Variants in CLIP1 observed in about 807,000 individuals in gnomAD.
The protein encoded by CLIP1 is CAP-Gly domain containing linker protein 1, also known as CAP-Gly domain-containing linker protein 1.
In CLIP1, 66 loss-of-function variants were observed where a neutral mutation model predicts 161.6. The observed-to-expected ratio is 0.41, with a 90% confidence interval of 0.33 to 0.50. CLIP1 has a LOEUF of 0.50. CLIP1 is among the 20% of genes least tolerant of loss of function. The pLI, the probability that CLIP1 is intolerant of heterozygous loss-of-function variation, is 0.27. For synonymous variants in CLIP1, 598 were observed against 626.2 expected (o/e 0.96, Z 0.67); for missense variants, 1,376 against 1,702.0 (o/e 0.81, Z 3.37).
intron 5 of CLIP1, among the ~76,000 whole-genome samples, chr12:122,358,918 G>A (rs966529000): frequency 1.3e-5 from 2 of 152,008 alleles, no homozygotes; most frequent in Non-Finnish European, 2.9e-5. Flanking sequence ...AAAATTAGCC[G>A]GGCATGGTGG....
chr12:122,349,405 A>T (rs1292282582), intron 9 of CLIP1, among the ~76,000 whole-genome samples: 1 of 152,208 alleles, frequency 6.6e-6, no homozygotes, highest in Non-Finnish European at 1.5e-5. Context: ...GGGACTCTAC[A>T]GTGCCTCAGC....
In CLIP1 at chr12:122,311,978, A is replaced by T. The variant is rs1051974018; in HGVS notation, c.3474-2096T>A. 6.6e-6 allele frequency among the ~76,000 whole-genome samples: 1 copy of T among 152,202 alleles called. No individual in the cohort carries two copies. The highest frequency in any genetic ancestry group is 1.5e-5 in the Non-Finnish European group (1 of 68,038). ...TCTTTAGTGGGTAGTGGGTGAATCC[A>T]TTTCATAGAGGAAAGAGGCTCCAAT... On this transcript the variant is annotated intron_variant, in intron 19 of 25. Transcript: ENST00000620786. The surrounding 1 kb of genome is among the most constrained non-coding windows in gnomAD (Gnocchi z 4.3).
At chr12:122,334,574 A>C (rs1952126003) in intron 13 of CLIP1, 74 bp downstream of exon 13, 1 of 986,168 alleles carries the variant, frequency 1.0e-6, no homozygotes, top group Non-Finnish European at 1.6e-6. Context: ...AACTCTGTGC[A>C]CTCCACAGGT....
chr12:122,335,849 T>C (rs1374019983), intron 12 of CLIP1, among the ~76,000 whole-genome samples: 3 of 151,370 alleles, frequency 2.0e-5, no homozygotes, highest in African/African-American at 7.3e-5. Context: ...ACACTGTTAA[T>C]AGCACAGAAG....
intron 1 of CLIP1, among the ~76,000 whole-genome samples, chr12:122,382,175 A>G (rs1333386610): frequency 6.6e-6 from 1 of 152,074 alleles, no homozygotes; most frequent in East Asian, 1.9e-4. Flanking sequence ...CAGCCTGACC[A>G]ACATGGAGAA....
chr12:122,329,613 G>C (rs968585709), intron 15 of CLIP1, among the ~76,000 whole-genome samples: 3 of 149,888 alleles, frequency 2.0e-5, no homozygotes, highest in African/African-American at 7.4e-5. Context: ...CTGGGCGACA[G>C]AGCGAGACTC....
chr12:122,293,002 C>CAAAAAAAAAAAAAAAAAAAAAAA (rs57326141), intron 20 of CLIP1, among the ~76,000 whole-genome samples: 16 of 43,574 alleles, frequency 3.7e-4, no homozygotes, highest in African/African-American at 1.4e-3. Context: ...GACTCTGTCT[C>CAAAAAAAAAAAAAAAAAAAAAAA]AAAAAAAAAA....
intron 3 of CLIP1, chr12:122,364,932 G>A: frequency 2.0e-6 from 1 of 505,004 alleles, no homozygotes; most frequent in South Asian, 1.6e-5. Context: ...CATGTCCTTT[G>A]TAGGGACATG....
chr12:122,394,705 G>A (rs1393816181), intron 1 of CLIP1, among the ~76,000 whole-genome samples: 1 of 151,254 alleles, frequency 6.6e-6, no homozygotes, highest in Non-Finnish European at 1.5e-5. Flanking sequence ...GGCCAACATG[G>A]TGGAACCGCA....
intron 7 of CLIP1, 62 bp from the exon 8 acceptor site, chr12:122,352,848 A>G: frequency 7.1e-7 from 1 of 1,413,804 alleles, no homozygotes; most frequent in South Asian, 1.2e-5. Flanking sequence ...CTTTAAAAAA[A>G]CAAAACAAAC....
chr12:122,394,043 AG>A (rs1446810018), intron 1 of CLIP1, among the ~76,000 whole-genome samples: 1 of 152,144 alleles, frequency 6.6e-6, no homozygotes, highest in Non-Finnish European at 1.5e-5. Context: ...TTCAAAAAAC[AG>A]GATGTGATGT....
intron 20 of CLIP1, among the ~76,000 whole-genome samples, chr12:122,301,402 G>A (rs774071129): frequency 2.0e-5 from 3 of 152,168 alleles, no homozygotes; most frequent in Non-Finnish European, 4.4e-5. Context: ...CGGGCGCGGC[G>A]GCTCATGCCT....
intron 10 of CLIP1, chr12:122,343,944 G>A (rs1018587663): frequency 6.6e-6 from 1 of 152,286 alleles, no homozygotes; most frequent in African/African-American, 2.4e-5. Flanking sequence ...TTGGCTGGGT[G>A]AGGTGGTACA....
chr12:122,297,813 C>A (rs1246477208), intron 20 of CLIP1, among the ~76,000 whole-genome samples: 2 of 152,186 alleles, frequency 1.3e-5, no homozygotes, highest in African/African-American at 4.8e-5. Flanking sequence ...CTGCACAGAT[C>A]CCCCTTTTCT....
chr12:122,353,506 T>C (rs1432268671), intron 7 of CLIP1, among the ~76,000 whole-genome samples: 2 of 152,128 alleles, frequency 1.3e-5, no homozygotes, highest in Non-Finnish European at 2.9e-5. Context: ...CCTAGCTACT[T>C]GGGAAGCTGG....
rs762242465 is a variant in CLIP1 at position 122,278,467 on chromosome 12, T to C, written c.3917-264A>G. The C allele has an allele frequency of 3.2e-5, 18 of 559,122 alleles. No individual in the cohort carries two copies. The East Asian group carries it at 5.0e-4, about 15-fold the overall frequency. The allele number at this position is 559,122 out of a possible 1,614,324, so 34.6% of individuals were successfully genotyped here. On this transcript the variant is annotated intron_variant, in intron 23 of 25. Transcript: ENST00000620786. ...GGTTAGAATGCCTGTCACGTCCATCTGAATGTACAGAGGCAATCCACCCTT... is the reference window on the plus strand; with the variant it reads ...GGTTAGAATGCCTGTCACGTCCATCCGAATGTACAGAGGCAATCCACCCTT...
chr12:122,338,914 C>T (rs1026548861), intron 11 of CLIP1, among the ~76,000 whole-genome samples: 2 of 152,150 alleles, frequency 1.3e-5, no homozygotes, highest in Non-Finnish European at 2.9e-5. Context: ...TTGTCATCTT[C>T]GACTATGGTT....
At chr12:122,287,381 C>T (rs1038332234) in intron 21 of CLIP1, among the ~76,000 whole-genome samples, 4 of 152,020 alleles carry the variant, frequency 2.6e-5, no homozygotes, top group Non-Finnish European at 5.9e-5. Flanking sequence ...TCTGCCCTGA[C>T]GAGTGGGAAT....
chr12:122,358,434 A>AT (rs1953606758), intron 5 of CLIP1, among the ~76,000 whole-genome samples: 1 of 118,088 alleles, frequency 8.5e-6, no homozygotes, highest in Non-Finnish European at 1.7e-5. Flanking sequence ...AGAATGAACA[A>AT]TTAAAAAAAA....
Sources: allele counts gnomAD v4.1 joint callset (sites outside exome capture counted in the v4.1 genomes callset), GRCh38; gene constraint gnomAD v4.1.1; non-coding constraint Gnocchi (gnomAD v3.1); transcripts MANE v1.5; gene names NCBI Gene and HGNC (gene_info 2026-07-23, HGNC 2026-07-21).